PAQR3: variants seen among roughly 807,000 people sequenced by gnomAD.
The protein encoded by PAQR3 is progestin and adipoQ receptor family member 3.
A neutral mutation model predicts 41.7 loss-of-function variants in PAQR3; 39 were observed. The ratio of observed to expected loss-of-function variants is 0.93; its 90% CI spans 0.72 to 1.22. PAQR3 has a LOEUF of 1.22. Among genes scored for constraint, PAQR3 ranks in the 50% most tolerant of loss-of-function variants. The probability of loss-of-function intolerance (pLI) is 0.00; values close to 1 mark genes in which losing one functional copy is unlikely to be tolerated. For missense variants in PAQR3, 366 were observed against 385.6 expected (o/e 0.95, Z 0.42); for synonymous variants, 140 against 140.6 (o/e 1.00, Z 0.03).
chr4:78,904,310 G>A (rs972499534), intron 11 of PAQR3, among the ~76,000 whole-genome samples: 1 of 151,822 alleles, frequency 6.6e-6, no homozygotes, highest in African/African-American at 2.4e-5. Flanking sequence ...GCCTAATATA[G>A]GGAGATAAGA....
downstream of PAQR3, chr4:78,910,864 A>G (rs764512867): frequency 8.1e-6 from 13 of 1,613,882 alleles, no homozygotes; most frequent in Admixed American, 2.2e-4. Flanking sequence ...AGGAGATTTT[A>G]ATGATGATGA....
At chr4:78,924,903 C>G (rs1736037351) in intron 4 of PAQR3, among the ~76,000 whole-genome samples, 1 of 152,032 alleles carries the variant, frequency 6.6e-6, no homozygotes, top group Non-Finnish European at 1.5e-5. Flanking sequence ...CATCATAGCC[C>G]TCCCTAACTC....
chr4:78,887,177 G>A, exon 13 of PAQR3: 1 of 1,592,018 alleles, frequency 6.3e-7, no homozygotes, highest in Non-Finnish European at 8.6e-7. Flanking sequence ...TTTGCAGATA[G>A]GCTCGAGGAG....
intron 3 of PAQR3, 42 bp from the exon 4 acceptor site, chr4:78,926,760 A>C (rs1280615106): frequency 7.0e-6 from 11 of 1,565,168 alleles, no homozygotes; most frequent in Non-Finnish European, 9.7e-6. Flanking sequence ...GTTATTAACA[A>C]TAAAGGAACT....
At chr4:78,938,692 A>G (rs542321138) in intron 1 of PAQR3, among the ~76,000 whole-genome samples, 1 of 152,260 alleles carries the variant, frequency 6.6e-6, no homozygotes, top group South Asian at 2.1e-4. Flanking sequence ...GTTGCTCTAA[A>G]AAGAAAGGTA....
At chr4:78,921,780 T>A in intron 5 of PAQR3, 1 of 984,864 alleles carries the variant, frequency 1.0e-6, no homozygotes, top group Non-Finnish European at 1.2e-6. Flanking sequence ...AGAGATAGTT[T>A]CTAAGGCATT....
chr4:78,900,619 G>C (rs1179549337), intron 11 of PAQR3, among the ~76,000 whole-genome samples: 1 of 152,088 alleles, frequency 6.6e-6, no homozygotes, highest in Non-Finnish European at 1.5e-5. Flanking sequence ...ACCTTACTTT[G>C]GCCACAAAGA....
intron 4 of PAQR3, among the ~76,000 whole-genome samples, chr4:78,926,139 T>C (rs994804347): frequency 1.3e-5 from 2 of 152,136 alleles, no homozygotes; most frequent in Admixed American, 1.3e-4. Context: ...CTTCACCCCC[T>C]AAAAGATCAA....
intron 11 of PAQR3, among the ~76,000 whole-genome samples, chr4:78,897,713 T>C (rs1733777111): frequency 6.6e-6 from 1 of 152,216 alleles, no homozygotes; most frequent in Admixed American, 6.5e-5. Context: ...TATATTTGCA[T>C]TGGTGCCTCT....
chr4:78,888,534 A>G (rs1345646361), intron 11 of PAQR3, among the ~76,000 whole-genome samples: 4 of 152,272 alleles, frequency 2.6e-5, no homozygotes, highest in African/African-American at 9.6e-5. Context: ...TCAGGTTTGC[A>G]TGGACCTATA....
intron 5 of PAQR3, chr4:78,923,451 T>A (rs1304847026): frequency 4.4e-6 from 1 of 226,280 alleles, no homozygotes; most frequent in Non-Finnish European, 8.7e-6. Flanking sequence ...CATTTACATT[T>A]TCTTACTGTC....
chr4:78,929,035 G>A lies in PAQR3; in HGVS notation c.504+1135C>T, dbSNP rs6834914. Among the ~76,000 whole-genome samples the A allele has an allele frequency of 3.3e-3, 496 of 152,300 alleles. 2 individuals carry two copies. Among genetic ancestry groups the A allele is most frequent in the African/African-American group, 0.011 (466 of 41,548 alleles). On this transcript the variant is annotated intron_variant, in intron 3 of 5. Transcript: ENST00000512733. ...CAGGAGGCAGAGCTCAGGTGGTAAC[G>A]CGAGCCATGGGGAGTGGCTGTAAAT...
At chr4:78,930,757 GCCCCTCTTACTCAATCTAT>G (rs6148537) in intron 2 of PAQR3, 10,253 of 151,920 alleles carry the variant, frequency 0.067, 460 homozygotes, top group East Asian at 0.22. Context: ...ATAAATATAA[GCCCCTCTTACTCAATCTAT>G]TCCCCAGAGG....
downstream of PAQR3, among the ~76,000 whole-genome samples, chr4:78,908,259 G>A (rs1734385951): frequency 6.6e-6 from 1 of 152,104 alleles, no homozygotes. Flanking sequence ...TGTCAACATT[G>A]CCAACAAACT....
At position 78,913,272 on chromosome 4, in the gene PAQR3, A is replaced by G. The variant is rs1157390298; in HGVS notation, c.*7267T>C. ...AGATCCTAAAATGCATATAAGGTGG[A>G]CTAGCATCTTAATTCTGCTAGTTGA... On this transcript the variant is annotated 3_prime_UTR_variant, in exon 6 of 6. Transcript: ENST00000512733. 1.3e-5 allele frequency: 2 copies of G among 152,138 alleles called. No individual in the cohort carries two copies. Among genetic ancestry groups the G allele is most frequent in the African/African-American group, 4.8e-5 (2 of 41,434 alleles). The allele number at this position is 152,138 out of a possible 1,614,324, so 9.4% of individuals were successfully genotyped here. A position where few individuals can be genotyped will look rare whatever the true frequency, so the allele number is the denominator to read the frequency against.
In PAQR3 at chr4:78,915,273, C is replaced by A. The variant is rs1463128725; in HGVS notation, c.*5266G>T. 2.6e-5 allele frequency: 4 copies of A among 151,906 alleles called. No individual in the cohort carries two copies. Among genetic ancestry groups the A allele is most frequent in the Non-Finnish European group, 2.9e-5 (2 of 67,878 alleles). The allele number at this position is 151,906 out of a possible 1,614,324, so 9.4% of individuals were successfully genotyped here. ...TGCTGGTGGAAAATCTAAGGTGGAG[C>A]CCACTCTTCTATGCTGAAGTTCACC... On this transcript the variant is annotated 3_prime_UTR_variant, in exon 6 of 6. Transcript: ENST00000512733.
intron 11 of PAQR3, among the ~76,000 whole-genome samples, chr4:78,889,159 T>G (rs62307962): frequency 0.071 from 10,404 of 145,712 alleles, 498 homozygotes; most frequent in East Asian, 0.22. Context: ...AGGCGGAGTT[T>G]GCAGTGAGCC....
At chr4:78,931,138 G>A (rs62308012) in intron 2 of PAQR3, among the ~76,000 whole-genome samples, 9,768 of 138,712 alleles carry the variant, frequency 0.07, 454 homozygotes, top group East Asian at 0.23. Flanking sequence ...TCTCTTGAGC[G>A]CAGGAGTTCG....
In PAQR3 at chr4:78,917,364, A is replaced by C. The variant is rs997140709; in HGVS notation, c.*3175T>G. 4.6e-5 allele frequency: 7 copies of C among 151,868 alleles called. No homozygotes were observed. The highest frequency in any genetic ancestry group is 1.7e-4 in the African/African-American group (7 of 41,398). The allele number at this position is 151,868 out of a possible 1,614,324, so 9.4% of individuals were successfully genotyped here. On this transcript the variant is annotated 3_prime_UTR_variant, in exon 6 of 6. Transcript: ENST00000512733. Reference sequence around the variant, plus strand: ...AGGACTAGAACCTTGGTGGCTGTTCATTTCAGCCCTCTTAAGGATGGAGGT... The same window carrying C: ...AGGACTAGAACCTTGGTGGCTGTTCCTTTCAGCCCTCTTAAGGATGGAGGT...
Sources: gnomAD v4.1 joint callset for allele counts (sites outside exome capture counted in the v4.1 genomes callset) on GRCh38, gnomAD v4.1.1 for gene constraint, MANE v1.5 for transcripts, NCBI Gene and HGNC (gene_info 2026-07-23, HGNC 2026-07-21) for gene names.